The following TRPS1 variants were observed in gnomAD, a reference collection of about 807,000 sequenced individuals.
TRPS1 encodes transcriptional repressor GATA binding 1, also known as zinc finger transcription factor Trps1.
In TRPS1, 6 loss-of-function variants were observed where a neutral mutation model predicts 101.2. The observed-to-expected ratio is 0.06, with a 90% CI of 0.03 to 0.12. TRPS1 has a LOEUF of 0.12. Among genes scored for constraint, TRPS1 ranks in the 10% least tolerant of loss-of-function variants. The pLI, the probability that TRPS1 is intolerant of heterozygous loss-of-function variation, is 1.00. For missense variants in TRPS1, 1,363 were observed against 1,567.0 expected, an observed-to-expected ratio of 0.87 and a Z score of 2.20; for synonymous variants, 578 against 589.8, an observed-to-expected ratio of 0.98 and a Z score of 0.29.
chr8:115,455,747 T>C (rs1813999937), intron 5 of TRPS1, among the ~76,000 whole-genome samples: 1 of 149,298 alleles, frequency 6.7e-6, no homozygotes, highest in African/African-American at 2.5e-5. Flanking sequence ...GCCATATGGC[T>C]TTTTTCTTTT....
At chr8:115,597,436 T>A (rs1817812094) in intron 4 of TRPS1, among the ~76,000 whole-genome samples, 1 of 152,058 alleles carries the variant, frequency 6.6e-6, no homozygotes, top group East Asian at 1.9e-4. Flanking sequence ...AAAGGAGATG[T>A]TCTATGAGAT....
At chr8:115,535,000 T>TAGCATATATATAGCATATATATA (rs1379417068) in intron 5 of TRPS1, among the ~76,000 whole-genome samples, 2 of 149,168 alleles carry the variant, frequency 1.3e-5, no homozygotes, top group Non-Finnish European at 3.0e-5. Context: ...TAAATATATA[T>TAGCATATATATAGCATATATATA]AGCATATATA....
At chr8:115,589,249 C>T (rs1453275026) in intron 4 of TRPS1, among the ~76,000 whole-genome samples, 1 of 152,038 alleles carries the variant, frequency 6.6e-6, no homozygotes, top group Non-Finnish European at 1.5e-5. Flanking sequence ...CAGGGGATCT[C>T]GTCAAAGGTA....
intron 5 of TRPS1, among the ~76,000 whole-genome samples, chr8:115,567,713 G>A (rs564690607): frequency 1.3e-5 from 2 of 152,088 alleles, no homozygotes; most frequent in Non-Finnish European, 2.9e-5. Context: ...GGGCAGAGAA[G>A]GGGAGCCCAT....
intron 1 of TRPS1, chr8:115,667,786 GCAGTC>G: frequency 6.7e-7 from 1 of 1,495,356 alleles, no homozygotes; most frequent in Non-Finnish European, 9.0e-7. Context: ...AAAGCCAAAG[GCAGTC>G]CTGTGCTGTT....
At chr8:115,608,114 C>T (rs1408409565) in intron 3 of TRPS1, among the ~76,000 whole-genome samples, 1 of 152,098 alleles carries the variant, frequency 6.6e-6, no homozygotes, top group Admixed American at 6.5e-5. Flanking sequence ...ATGGCTGAAT[C>T]CATCACGGAG....
At chr8:115,577,544 C>T (rs537630972) in intron 5 of TRPS1, among the ~76,000 whole-genome samples, 5 of 152,190 alleles carry the variant, frequency 3.3e-5, no homozygotes, top group African/African-American at 9.6e-5. Context: ...GTTACCAGCA[C>T]ATTGAAATTC....
At chr8:115,646,012 AATATAAT>A (rs1819017435) in intron 1 of TRPS1, among the ~76,000 whole-genome samples, 1 of 152,174 alleles carries the variant, frequency 6.6e-6, no homozygotes. Flanking sequence ...AAATATCCTA[AATATAAT>A]TGTTAAAATT....
chr8:115,616,340 T>C (rs1372489951), intron 3 of TRPS1, among the ~76,000 whole-genome samples: 1 of 152,226 alleles, frequency 6.6e-6, no homozygotes, highest in African/African-American at 2.4e-5. Context: ...CCAAGTATAT[T>C]TGAAATAACT....
chr8:115,420,362 C>A (rs763750276), intron 5 of TRPS1, among the ~76,000 whole-genome samples: 1 of 152,180 alleles, frequency 6.6e-6, no homozygotes, highest in Non-Finnish European at 1.5e-5. Flanking sequence ...AAGCTGGGAG[C>A]CTAGTTAAGT....
intron 1 of TRPS1, among the ~76,000 whole-genome samples, chr8:115,649,646 C>T (rs1368510785): frequency 2.6e-5 from 4 of 152,188 alleles, no homozygotes; most frequent in East Asian, 1.9e-4. Flanking sequence ...CCTGAGGTTG[C>T]ACTCACTTTT....
chr8:115,627,853 T>C (rs1818544871), intron 1 of TRPS1, among the ~76,000 whole-genome samples: 1 of 151,806 alleles, frequency 6.6e-6, no homozygotes, highest in Non-Finnish European at 1.5e-5. Context: ...TTTGGTAAAC[T>C]GACACACATA....
intron 5 of TRPS1, among the ~76,000 whole-genome samples, chr8:115,451,350 C>G (rs940316242): frequency 4.6e-5 from 7 of 151,578 alleles, no homozygotes. Flanking sequence ...GTATTTTCTA[C>G]GTACCAGACA....
At chr8:115,509,181 AG>A (rs1815518780) in intron 5 of TRPS1, among the ~76,000 whole-genome samples, 1 of 152,058 alleles carries the variant, frequency 6.6e-6, no homozygotes. Context: ...GGAGTCTACA[AG>A]GTGTTTTCCC....
intron 5 of TRPS1, among the ~76,000 whole-genome samples, chr8:115,470,086 C>G (rs1432483708): frequency 6.6e-6 from 1 of 152,164 alleles, no homozygotes; most frequent in Non-Finnish European, 1.5e-5. Context: ...TCTCTAGCCA[C>G]AAGGAATACT....
intron 5 of TRPS1, among the ~76,000 whole-genome samples, chr8:115,474,545 C>T (rs1275160799): frequency 2.6e-5 from 4 of 151,970 alleles, no homozygotes; most frequent in African/African-American, 7.3e-5. Context: ...TTTCTTGTTC[C>T]ACTGTCAGTG....
chr8:115,623,181 G>A (rs953518795), intron 2 of TRPS1, among the ~76,000 whole-genome samples: 5 of 151,856 alleles, frequency 3.3e-5, no homozygotes, highest in Non-Finnish European at 2.9e-5. Context: ...ATGCTGAATA[G>A]AGCCCTTAAT....
In TRPS1 at chr8:115,579,821, T is replaced by C. The variant is rs577725044; in HGVS notation, c.2700+7180A>G. On this transcript the variant is annotated intron_variant, in intron 5 of 6. Coordinates refer to ENST00000395715, the MANE Select transcript of TRPS1 (RefSeq NM_014112.5). The stretch of plus-strand genomic sequence containing the variant: ...AACTGCCTTGTTTAAAAGAGGCAAG[T>C]TAACATATAAAATTACAAGTGAGAG... Among the ~76,000 whole-genome samples the C allele has an allele frequency of 1.3e-4, 20 of 152,184 alleles. No individual in the cohort carries two copies. In the South Asian group the frequency reaches 3.9e-3, roughly 30 times the overall value.
chr8:115,448,170 T>C (rs986370135), intron 5 of TRPS1, among the ~76,000 whole-genome samples: 1 of 152,216 alleles, frequency 6.6e-6, no homozygotes, highest in African/African-American at 2.4e-5. Flanking sequence ...CAAATCTTTG[T>C]TCAGGAAGAC....
Sources: allele counts gnomAD v4.1 joint callset (sites outside exome capture counted in the v4.1 genomes callset), GRCh38; gene constraint gnomAD v4.1.1; transcripts MANE v1.5; gene names NCBI Gene and HGNC (gene_info 2026-07-23, HGNC 2026-07-21).